Variants in PDIA5 observed in about 807,000 individuals in gnomAD.
The protein encoded by PDIA5 is protein disulfide isomerase family A member 5.
Under a neutral mutation model 77.6 loss-of-function variants are expected in PDIA5, and 58 were observed. The ratio of observed to expected loss-of-function variants is 0.75; its 90% CI spans 0.61 to 0.93. PDIA5 has a LOEUF of 0.93. PDIA5 is among the 40% of genes least tolerant of loss of function. The probability of loss-of-function intolerance (pLI) is 0.00; values close to 1 mark genes in which losing one functional copy is unlikely to be tolerated. For synonymous variants in PDIA5, 250 were observed against 252.1 expected (o/e 0.99, Z 0.08); for missense variants, 630 against 647.7 (o/e 0.97, Z 0.30).
chr3:123,132,388 A>C (rs1181682012), intron 11 of PDIA5, among the ~76,000 whole-genome samples: 1 of 152,160 alleles, frequency 6.6e-6, no homozygotes, highest in Non-Finnish European at 1.5e-5. Flanking sequence ...TTCTTAGGAG[A>C]CTCTAAAGGA....
At chr3:123,098,520 G>A (rs1286171817) in intron 3 of PDIA5, among the ~76,000 whole-genome samples, 3 of 152,150 alleles carry the variant, frequency 2.0e-5, no homozygotes, top group African/African-American at 7.2e-5. Context: ...GCTGTCCCAT[G>A]GCAGATTCAG....
chr3:123,133,067 A>G (rs1461353040), intron 11 of PDIA5, among the ~76,000 whole-genome samples: 1 of 152,210 alleles, frequency 6.6e-6, no homozygotes, highest in African/African-American at 2.4e-5. Context: ...CATGGTCTTT[A>G]GCCTAGGGAG....
At chr3:123,111,069 TG>T in intron 7 of PDIA5, 65 bp downstream of exon 7, 1 of 749,748 alleles carries the variant, frequency 1.3e-6, no homozygotes, top group Non-Finnish European at 2.3e-6. Context: ...GGGAGGCAGG[TG>T]GGGGTTGCGG....
intron 3 of PDIA5, among the ~76,000 whole-genome samples, chr3:123,101,737 T>C (rs1008844075): frequency 1.3e-5 from 2 of 152,090 alleles, no homozygotes; most frequent in Non-Finnish European, 2.9e-5. Flanking sequence ...ACTTGCCTGA[T>C]AATTCTAAAG....
chr3:123,102,689 C>T, intron 4 of PDIA5, 62 bp from the exon 5 acceptor site: 1 of 1,365,856 alleles, frequency 7.3e-7, no homozygotes, highest in Non-Finnish European at 1.0e-6. Context: ...CTGCAGGAAA[C>T]CAAAGGTATG....
rs781314828 is a variant in PDIA5 at position 123,146,129 on chromosome 3, A to G, written c.1012A>G (p.Thr338Ala). 1.2e-6 allele frequency: 2 copies of G among 1,614,062 alleles called. No individual in the cohort carries two copies. Among genetic ancestry groups the G allele is most frequent in the East Asian group, 2.2e-5 (1 of 44,898 alleles). Residue 338 changes from threonine (T) to alanine (A), a missense_variant, in exon 13 of 17, where the codon ACT becomes GCT. Transcript: ENST00000316218. ...TGGTGTCCTTGCAGCTGTCGATGCC[A>G]CTGTCAACAAGGCCCTGGCAGAAAG... ...SSGVLAAVDA[T>A]VNKALAERFH...
At chr3:123,067,552 C>G (rs974771288) in intron 1 of PDIA5, 5 of 304,908 alleles carry the variant, frequency 1.6e-5, no homozygotes, top group African/African-American at 1.1e-4. Context: ...GAGCTCCGCT[C>G]CAGACTCCGA....
chr3:123,114,222 T>C (rs1934939214), intron 7 of PDIA5, among the ~76,000 whole-genome samples: 1 of 152,232 alleles, frequency 6.6e-6, no homozygotes. Context: ...TAGATGAATG[T>C]GGCCCAGTGG....
intron 11 of PDIA5, among the ~76,000 whole-genome samples, chr3:123,135,095 C>T (rs1250417195): frequency 1.3e-5 from 2 of 152,186 alleles, no homozygotes; most frequent in African/African-American, 4.8e-5. Flanking sequence ...TGCTGCCACC[C>T]GTGGCACCTT....
chr3:123,078,509 C>CCCT (rs1933914180), intron 1 of PDIA5, among the ~76,000 whole-genome samples: 1 of 152,098 alleles, frequency 6.6e-6, no homozygotes, highest in South Asian at 2.1e-4. Flanking sequence ...TGCCCTTTAT[C>CCCT]TCAATTCCAC....
intron 5 of PDIA5, among the ~76,000 whole-genome samples, chr3:123,104,172 G>A (rs1934674844): frequency 6.6e-6 from 1 of 152,186 alleles, no homozygotes; most frequent in African/African-American, 2.4e-5. Context: ...TGACCTTCCC[G>A]TGATTTAGGC....
At chr3:123,146,320 C>T in intron 13 of PDIA5, 61 bp downstream of exon 13, 2 of 1,408,096 alleles carry the variant, frequency 1.4e-6, no homozygotes, top group East Asian at 2.3e-5. Context: ...TGGAGACCAC[C>T]TTGAGGAGGT....
intron 14 of PDIA5, among the ~76,000 whole-genome samples, chr3:123,151,734 T>TTCTGCCTG (rs1553805734): frequency 9.0e-6 from 1 of 111,474 alleles, no homozygotes; most frequent in African/African-American, 3.6e-5. Flanking sequence ...ACTCCTTCCT[T>TTCTGCCTG]CCTGCCTGCC....
chr3:123,123,952 G>T (rs1245605006), intron 8 of PDIA5, 114 bp from the exon 9 acceptor site: 1 of 721,276 alleles, frequency 1.4e-6, no homozygotes, highest in East Asian at 2.6e-5. Flanking sequence ...ATCAGTCTGT[G>T]GGGCTTTGTC....
At chr3:123,139,218 C>T (rs373111353) in intron 11 of PDIA5, among the ~76,000 whole-genome samples, 138 of 152,294 alleles carry the variant, frequency 9.1e-4, no homozygotes, top group Non-Finnish European at 1.5e-3. Flanking sequence ...GCCGGAGTCC[C>T]GCTCCCTGCA....
At chr3:123,151,807 TCCTGCCTGCCTGCCTG>T (rs1159882690) in intron 14 of PDIA5, among the ~76,000 whole-genome samples, 2 of 119,082 alleles carry the variant, frequency 1.7e-5, no homozygotes, top group Non-Finnish European at 3.4e-5. Context: ...CTGCCTGCCT[TCCTGCCTGCCTGCCTG>T]CCTGCCTTCC....
rs372673649 is a variant in PDIA5, at chr3:123,142,628, T to A, written c.911-2894T>A. Among the ~76,000 whole-genome samples, 7 of 152,334 alleles carry A rather than the reference T, an allele frequency of 4.6e-5. No individual in the cohort carries two copies. The East Asian group carries it at 9.6e-4, about 21-fold the overall frequency. ...CTTTGATCATGATCTCCACAATGTC[T>A]GACTGCAGGGGACATTAAGAATATC... On this transcript the variant is annotated intron_variant, in intron 11 of 16. Transcript: ENST00000316218.
At chr3:123,089,333 G>A (rs1458341413) in intron 2 of PDIA5, 39 bp downstream of exon 2, 2 of 1,604,748 alleles carry the variant, frequency 1.2e-6, no homozygotes, top group Admixed American at 3.3e-5. Context: ...AACCATCGGG[G>A]TAGGATGGGA....
chr3:123,115,320 A>G (rs1278239796), intron 7 of PDIA5, among the ~76,000 whole-genome samples: 3 of 152,144 alleles, frequency 2.0e-5, no homozygotes, highest in African/African-American at 7.2e-5. Flanking sequence ...GTTTAAGGGA[A>G]GGAGTTTAAG....
Sources: gnomAD v4.1 joint callset for allele counts (sites outside exome capture counted in the v4.1 genomes callset) on GRCh38, gnomAD v4.1.1 for gene constraint, MANE v1.5 for transcripts, NCBI Gene and HGNC (gene_info 2026-07-23, HGNC 2026-07-21) for gene names.